The following FLNB variants were observed in gnomAD, a reference collection of about 807,000 sequenced individuals.
The protein encoded by FLNB is filamin B.
Under a neutral mutation model 250.6 loss-of-function variants are expected in FLNB, and 111 were observed. The observed-to-expected ratio is 0.44, with a 90% CI of 0.38 to 0.52. FLNB has a LOEUF of 0.52. Ranked by LOEUF, FLNB falls within the 20% of genes least tolerant of loss-of-function variation. The probability of loss-of-function intolerance (pLI) is 0.00; values close to 1 mark genes in which losing one functional copy is unlikely to be tolerated. For synonymous variants in FLNB, 1,302 were observed against 1,372.1 expected (o/e 0.95, Z 1.13); for missense variants, 2,869 against 3,447.8 (o/e 0.83, Z 4.20).
intron 1 of FLNB, among the ~76,000 whole-genome samples, chr3:58,047,746 G>T (rs1011482034): frequency 6.6e-6 from 1 of 151,776 alleles, no homozygotes; most frequent in African/African-American, 2.4e-5. Flanking sequence ...GCTAATTTTT[G>T]TATTTTTAGT....
chr3:58,096,825 T>C (rs2097239558), intron 6 of FLNB, among the ~76,000 whole-genome samples: 1 of 152,214 alleles, frequency 6.6e-6, no homozygotes, highest in South Asian at 2.1e-4. Flanking sequence ...TTGTCCTTAA[T>C]GCTTTCTTAA....
chr3:58,100,788 A>G (rs1345085566), intron 8 of FLNB, among the ~76,000 whole-genome samples: 6 of 151,630 alleles, frequency 4.0e-5, no homozygotes, highest in Non-Finnish European at 8.8e-5. Flanking sequence ...TAGCAGACAC[A>G]GGGTTTCACT....
chr3:58,115,383 A>G (rs1227773003), intron 18 of FLNB, among the ~76,000 whole-genome samples: 1 of 152,126 alleles, frequency 6.6e-6, no homozygotes, highest in African/African-American at 2.4e-5. Flanking sequence ...GCTTTATTCT[A>G]TGTCTATATG....
At chr3:58,065,072 G>A (rs2097183661) in intron 1 of FLNB, among the ~76,000 whole-genome samples, 1 of 152,168 alleles carries the variant, frequency 6.6e-6, no homozygotes, top group Admixed American at 6.5e-5. Context: ...CAGTTCTCAG[G>A]GTGTGGTAGA....
At chr3:58,016,813 G>A (rs893189485) in intron 1 of FLNB, among the ~76,000 whole-genome samples, 1 of 152,132 alleles carries the variant, frequency 6.6e-6, no homozygotes, top group Non-Finnish European at 1.5e-5. Flanking sequence ...TTTAACTAAT[G>A]AAAATATTCA....
At chr3:58,146,107 G>A in intron 33 of FLNB, 58 bp downstream of exon 33, 5 of 1,600,952 alleles carry the variant, frequency 3.1e-6, no homozygotes, top group Non-Finnish European at 3.4e-6. Context: ...GGGTGAAGTG[G>A]ACACGGTTCC....
rs896379762 is a variant in FLNB, at chr3:58,073,436, A to G, written c.293-3610A>G. Reference sequence around the variant, plus strand: ...TAACCAAGTTCCGTGCAGGGCCTGGAGTTTTATGCAGACCATTGCTCCTTG... The same window carrying G: ...TAACCAAGTTCCGTGCAGGGCCTGGGGTTTTATGCAGACCATTGCTCCTTG... On this transcript the variant is annotated intron_variant, in intron 1 of 45. Transcript: ENST00000295956. Among the ~76,000 whole-genome samples the G allele has an allele frequency of 3.6e-4, 55 of 152,084 alleles. 1 individual carries two copies. The highest frequency in any genetic ancestry group is 5.9e-5 in the Non-Finnish European group (4 of 67,980).
chr3:58,116,585 G>A (rs1221423324), intron 18 of FLNB, among the ~76,000 whole-genome samples: 1 of 152,212 alleles, frequency 6.6e-6, no homozygotes, highest in Non-Finnish European at 1.5e-5. Flanking sequence ...GATGGCTGTA[G>A]GATCCTGTGA....
chr3:58,036,978 CT>C (rs2097138983), intron 1 of FLNB, among the ~76,000 whole-genome samples: 1 of 150,602 alleles, frequency 6.6e-6, no homozygotes, highest in South Asian at 2.1e-4. Flanking sequence ...CCCGGCTATA[CT>C]TTCTTCTCTT....
At chr3:58,070,432 A>G (rs1159107412) in intron 1 of FLNB, among the ~76,000 whole-genome samples, 1 of 152,142 alleles carries the variant, frequency 6.6e-6, no homozygotes, top group Non-Finnish European at 1.5e-5. Context: ...AGATGAGGAA[A>G]AATAAGGTTC....
At chr3:58,163,690 G>A (rs13092880) in intron 43 of FLNB, 32,347 of 303,440 alleles carry the variant, frequency 0.11, 1,993 homozygotes, top group African/African-American at 0.16. Flanking sequence ...TTCATGATGC[G>A]TCCAAGTGGG....
chr3:58,149,733 C>G, intron 36 of FLNB, 117 bp from the exon 37 acceptor site: 2 of 1,369,180 alleles, frequency 1.5e-6, no homozygotes, highest in Non-Finnish European at 2.0e-6. Context: ...CCATTGCTTT[C>G]TTTCTGCTAT....
chr3:58,010,925 C>G (rs555982627), intron 1 of FLNB, among the ~76,000 whole-genome samples: 2 of 152,106 alleles, frequency 1.3e-5, no homozygotes, highest in African/African-American at 4.8e-5. Context: ...CCCACCACCG[C>G]CCCGCCTGGA....
chr3:58,100,589 C>CTTTTTTTTTTTTTTTTTTTTTTTTTT (rs147921421), intron 8 of FLNB, among the ~76,000 whole-genome samples: 2 of 124,964 alleles, frequency 1.6e-5, no homozygotes, highest in Admixed American at 8.5e-5. Flanking sequence ...TTTTCTTTTT[C>CTTTTTTTTTTTTTTTTTTTTTTTTTT]TTTTTTTTTT....
At chr3:58,138,962 C>T (rs577392059) in intron 29 of FLNB, among the ~76,000 whole-genome samples, 4 of 152,188 alleles carry the variant, frequency 2.6e-5, no homozygotes, top group African/African-American at 9.6e-5. Flanking sequence ...AGACTTGACT[C>T]TGAAATCCCA....
chr3:58,090,145 A>G (rs997807785), intron 4 of FLNB, among the ~76,000 whole-genome samples: 1 of 124,418 alleles, frequency 8.0e-6, no homozygotes, highest in Non-Finnish European at 1.6e-5. Context: ...TGTACTTTTA[A>G]AACTTTTTTT....
intron 10 of FLNB, among the ~76,000 whole-genome samples, 196 bp downstream of exon 10, chr3:58,104,281 T>A (rs1369405301): frequency 6.6e-6 from 1 of 152,064 alleles, no homozygotes; most frequent in Admixed American, 6.5e-5. Context: ...TTTAGCTGAC[T>A]TGCTTTAAAT....
Position 58,123,312 on chromosome 3 carries a change from G to A in FLNB, c.3346G>A (p.Val1116Ile), listed in dbSNP as rs755766713. 1 of 1,614,146 alleles carries A rather than the reference G, an allele frequency of 6.2e-7. No homozygotes were observed. Among genetic ancestry groups the A allele is most frequent in the Non-Finnish European group, 8.5e-7 (1 of 1,180,030 alleles). Residue 1116 changes from valine (V) to isoleucine (I), a missense_variant, in exon 21 of 46, where the codon GTC becomes ATC. By Grantham distance (29) the Val-to-Ile change is conservative (BLOSUM62 3). Coordinates refer to ENST00000295956, the MANE Select transcript of FLNB (RefSeq NM_001457.4). ...EYFVNILFEEVHIPGSPFKAD... is the reference protein window; with the variant it reads ...EYFVNILFEEIHIPGSPFKAD... ...CTTCGTCAACATCCTCTTTGAAGAAGTCCACATACCTGGGTCTCCCTTCAA... is the reference window on the plus strand; with the variant it reads ...CTTCGTCAACATCCTCTTTGAAGAAATCCACATACCTGGGTCTCCCTTCAA...
intron 1 of FLNB, among the ~76,000 whole-genome samples, chr3:58,011,823 TAGAG>T (rs1474708482): frequency 2.0e-5 from 3 of 152,206 alleles, no homozygotes; most frequent in African/African-American, 7.2e-5. Context: ...GCAAGTCACT[TAGAG>T]AGTTCAGGGC....
Sources: allele counts gnomAD v4.1 joint callset (sites outside exome capture counted in the v4.1 genomes callset), GRCh38; gene constraint gnomAD v4.1.1; transcripts MANE v1.5; gene names NCBI Gene and HGNC (gene_info 2026-07-23, HGNC 2026-07-21).